Variants in IGSF21 observed in about 807,000 individuals in gnomAD.
IGSF21 encodes immunoglobin superfamily member 21, also known as immunoglobulin superfamily member 21.
A neutral mutation model predicts 46.8 loss-of-function variants in IGSF21; 28 were observed. The ratio of observed to expected loss-of-function variants is 0.60; its 90% confidence interval spans 0.44 to 0.82. The LOEUF is 0.82. IGSF21 is among the 40% of genes least tolerant of loss of function. The pLI is 0.00. For synonymous variants in IGSF21, 284 were observed against 273.6 expected (o/e 1.04, Z -0.38); for missense variants, 624 against 665.5 (o/e 0.94, Z 0.69).
intron 3 of IGSF21, among the ~76,000 whole-genome samples, chr1:18,329,907 G>A (rs2085695773): frequency 1.3e-5 from 2 of 152,232 alleles, no homozygotes; most frequent in South Asian, 4.1e-4. Flanking sequence ...GGGGCATGCA[G>A]CATCCGCCCT....
At chr1:18,144,950 T>C (rs1488774681) in intron 1 of IGSF21, among the ~76,000 whole-genome samples, 1 of 152,020 alleles carries the variant, frequency 6.6e-6, no homozygotes, top group Non-Finnish European at 1.5e-5. Context: ...GATGGGTGAG[T>C]CCCGGGTGCC....
At chr1:18,307,708 C>T (rs2085440848) in intron 3 of IGSF21, among the ~76,000 whole-genome samples, 1 of 152,236 alleles carries the variant, frequency 6.6e-6, no homozygotes, top group Admixed American at 6.5e-5. Flanking sequence ...TGTGGTCGGC[C>T]TCTGCCGGGA....
intron 2 of IGSF21, among the ~76,000 whole-genome samples, chr1:18,241,217 C>T (rs1334969850): frequency 6.6e-6 from 1 of 152,170 alleles, no homozygotes; most frequent in Non-Finnish European, 1.5e-5. Flanking sequence ...CTGTCCATGC[C>T]ACACTGCTTT....
At chr1:18,326,589 G>A (rs576004295) in intron 3 of IGSF21, among the ~76,000 whole-genome samples, 1 of 152,320 alleles carries the variant, frequency 6.6e-6, no homozygotes, top group East Asian at 1.9e-4. Flanking sequence ...GAGATACTGT[G>A]TATATAAATG....
chr1:18,108,275 G>A (rs2086110215), intron 1 of IGSF21, 77 bp downstream of exon 1: 5 of 1,275,962 alleles, frequency 3.9e-6, no homozygotes, highest in East Asian at 6.5e-5. Context: ...GGCGCTGGCC[G>A]GGGTCGCTCC....
Position 18,340,290 on chromosome 1 carries a change from G to A in IGSF21, c.424+5280G>A, listed in dbSNP as rs989961375. On this transcript the variant is annotated intron_variant, in intron 4 of 9. Coordinates refer to ENST00000251296, the MANE Select transcript of IGSF21 (RefSeq NM_032880.5). ...TAGGGGAGGCAGAAGATGAGCAAGT[G>A]AAGAGATGGGGAGACAAATGGGATG... Among the ~76,000 whole-genome samples the A allele has an allele frequency of 2.6e-5, 4 of 152,234 alleles. No individual in the cohort carries two copies. In the East Asian group the frequency reaches 7.7e-4, roughly 29 times the overall value.
chr1:18,221,204 T>G (rs991114153), intron 1 of IGSF21, among the ~76,000 whole-genome samples: 5 of 152,038 alleles, frequency 3.3e-5, no homozygotes, highest in Non-Finnish European at 5.9e-5. Flanking sequence ...GAGGTTTAAG[T>G]GAATTAGCCA....
intron 1 of IGSF21, among the ~76,000 whole-genome samples, chr1:18,214,028 G>C (rs1300355384): frequency 6.6e-6 from 1 of 152,110 alleles, no homozygotes; most frequent in Non-Finnish European, 1.5e-5. Context: ...TGTCTACAAA[G>C]GGCCATAGAA....
intron 3 of IGSF21, among the ~76,000 whole-genome samples, chr1:18,313,828 C>G (rs1344381976): frequency 2.0e-5 from 3 of 152,212 alleles, no homozygotes; most frequent in Non-Finnish European, 2.9e-5. Flanking sequence ...ACTGCGCTCT[C>G]TCACCTTTCA....
At chr1:18,187,794 G>T (rs551721926) in intron 1 of IGSF21, among the ~76,000 whole-genome samples, 3 of 152,074 alleles carry the variant, frequency 2.0e-5, no homozygotes, top group South Asian at 4.1e-4. Flanking sequence ...TTTCTGGGGG[G>T]GTGGGGGAGA....
At chr1:18,362,065 C>T in intron 4 of IGSF21, 50 bp from the exon 5 acceptor site, 1 of 1,348,050 alleles carries the variant, frequency 7.4e-7, no homozygotes, top group South Asian at 1.3e-5. Flanking sequence ...TGAACTCTTC[C>T]TGAATCTCCC....
At chr1:18,233,109 G>A (rs978153987) in intron 2 of IGSF21, among the ~76,000 whole-genome samples, 1 of 152,102 alleles carries the variant, frequency 6.6e-6, no homozygotes, top group African/African-American at 2.4e-5. Flanking sequence ...TCCCTCCTTT[G>A]TTTTCTCTCC....
chr1:18,231,908 T>C (rs965276048), intron 2 of IGSF21, among the ~76,000 whole-genome samples: 3 of 145,640 alleles, frequency 2.1e-5, no homozygotes, highest in Non-Finnish European at 1.5e-5. Flanking sequence ...TTTGGTAACC[T>C]GACATCATTA....
In IGSF21 at chr1:18,227,887, CT is replaced by C. The variant is rs1217788861; in HGVS notation, c.71-10del. The C allele has an allele frequency of 3.7e-6, 6 of 1,610,124 alleles. No homozygotes were observed. Among genetic ancestry groups the C allele is most frequent in the Non-Finnish European group, 5.1e-6 (6 of 1,176,438 alleles). ...CGTGCCCTTACCACCCCTTTCTCCT[CT>C]CTTCTGTAGGCTACCTGACAGTCAA... is the stretch of plus-strand genomic sequence containing the variant. On this transcript the variant is annotated splice_polypyrimidine_tract_variant and intron_variant, in intron 1 of 9. Coordinates refer to ENST00000251296, the MANE Select transcript of IGSF21 (RefSeq NM_032880.5).
chr1:18,317,767 C>A (rs1367002464), intron 3 of IGSF21, among the ~76,000 whole-genome samples: 1 of 152,234 alleles, frequency 6.6e-6, no homozygotes, highest in East Asian at 1.9e-4. Context: ...GGCATGATGA[C>A]AAAGCAAACA....
At chr1:18,268,368 A>C (rs920848930) in intron 2 of IGSF21, among the ~76,000 whole-genome samples, 3 of 152,120 alleles carry the variant, frequency 2.0e-5, no homozygotes, top group African/African-American at 4.8e-5. Context: ...TTCTTACCAC[A>C]AGGTAGCCTG....
Position 18,200,192 on chromosome 1 carries a change from G to A in IGSF21, c.71-27706G>A, listed in dbSNP as rs765731187. 2.0e-4 allele frequency among the ~76,000 whole-genome samples: 31 copies of A among 152,136 alleles called. 1 individual carries two copies. The highest frequency in any genetic ancestry group is 3.2e-4 in the Non-Finnish European group (22 of 68,024). On this transcript the variant is annotated intron_variant, in intron 1 of 9. Transcript: ENST00000251296. The stretch of plus-strand genomic sequence containing the variant: ...CCATTCTCTGCATCTTGGTCACCTC[G>A]GTTATAAAATAAGAAACAAGCCTAT...
chr1:18,279,402 G>T (rs2085136446), intron 2 of IGSF21, among the ~76,000 whole-genome samples: 1 of 152,200 alleles, frequency 6.6e-6, no homozygotes, highest in Admixed American at 6.5e-5. Flanking sequence ...GTGGAATGAA[G>T]GAAGCAATGA....
At chr1:18,110,573 T>G (rs990592719) in intron 1 of IGSF21, 6 of 152,198 alleles carry the variant, frequency 3.9e-5, no homozygotes, top group Admixed American at 2.0e-4. Flanking sequence ...TCTGCCCCTT[T>G]GGGTGGCAGA....
Sources: gnomAD v4.1 joint callset for allele counts (sites outside exome capture counted in the v4.1 genomes callset) on GRCh38, gnomAD v4.1.1 for gene constraint, MANE v1.5 for transcripts, NCBI Gene and HGNC (gene_info 2026-07-23, HGNC 2026-07-21) for gene names.